The following DCDC2C variants were observed in gnomAD, a reference collection of about 807,000 sequenced individuals.
DCDC2C encodes doublecortin domain-containing protein 2C.
Under a neutral mutation model 45.0 loss-of-function variants are expected in DCDC2C, and 44 were observed. The observed-to-expected ratio is 0.98, with a 90% confidence interval of 0.77 to 1.26. The LOEUF (loss-of-function observed/expected upper bound fraction) is 1.26, where lower values mean the gene tolerates loss of function less well. DCDC2C is among the 50% of genes most tolerant of loss of function. DCDC2C has a pLI of 0.00. For missense variants in DCDC2C, 447 were observed against 468.9 expected (o/e 0.95, Z 0.43); for synonymous variants, 187 against 178.8 (o/e 1.05, Z -0.37).
intron 6 of DCDC2C, 56 bp from the exon 7 acceptor site, chr2:3,767,698 G>A (rs756245838): frequency 2.0e-6 from 3 of 1,537,798 alleles, no homozygotes; most frequent in Non-Finnish European, 1.8e-6. Context: ...AACCTGATCG[G>A]ACTCCTTGTA....
chr2:3,745,022 G>A (rs910874481), intron 4 of DCDC2C, among the ~76,000 whole-genome samples: 1 of 152,170 alleles, frequency 6.6e-6, no homozygotes, highest in Non-Finnish European at 1.5e-5. Flanking sequence ...GACTTGCTCT[G>A]TTGCCTGGGC....
chr2:3,756,755 A>G (rs963614820), intron 6 of DCDC2C, among the ~76,000 whole-genome samples: 2 of 152,162 alleles, frequency 1.3e-5, no homozygotes, highest in African/African-American at 4.8e-5. Context: ...TTTATTGGAG[A>G]TTTCTGCATG....
chr2:3,745,648 C>T (rs115730323), intron 4 of DCDC2C, among the ~76,000 whole-genome samples: 2,641 of 152,278 alleles, frequency 0.017, 75 homozygotes, highest in African/African-American at 0.059. Flanking sequence ...CTGTATTTAT[C>T]GTTCCTTAGA....
chr2:3,796,857 T>G (rs1212123295), intron 10 of DCDC2C, among the ~76,000 whole-genome samples: 1 of 151,968 alleles, frequency 6.6e-6, no homozygotes, highest in Non-Finnish European at 1.5e-5. Context: ...CTGCCCGGCT[T>G]TGGTATCAGG....
chr2:3,755,500 CGT>C (rs1387708741), intron 6 of DCDC2C, among the ~76,000 whole-genome samples: 16 of 146,744 alleles, frequency 1.1e-4, no homozygotes, highest in African/African-American at 3.9e-4. Context: ...CAGGAGTACA[CGT>C]GTGTATGAAT....
At chr2:3,765,699 T>C (rs1352102934) in intron 6 of DCDC2C, among the ~76,000 whole-genome samples, 1 of 152,198 alleles carries the variant, frequency 6.6e-6, no homozygotes, top group Non-Finnish European at 1.5e-5. Context: ...TGGGAATTCA[T>C]TAATGGAGAA....
At chr2:3,769,097 T>G (rs763918407) in intron 7 of DCDC2C, 3 of 510,848 alleles carry the variant, frequency 5.9e-6, no homozygotes, top group Non-Finnish European at 1.1e-5. Context: ...GGGGCTAAAA[T>G]CGAGGCCACC....
At chr2:3,808,264 T>C (rs1030114157) in intron 10 of DCDC2C, among the ~76,000 whole-genome samples, 4 of 152,386 alleles carry the variant, frequency 2.6e-5, no homozygotes, top group Admixed American at 2.6e-4. Context: ...GATTTTACTT[T>C]GCATTTCCTT....
At chr2:3,793,355 C>T (rs781261371) in intron 10 of DCDC2C, among the ~76,000 whole-genome samples, 7 of 152,206 alleles carry the variant, frequency 4.6e-5, no homozygotes, top group Non-Finnish European at 8.8e-5. Context: ...CCTTCAGTGC[C>T]GCCTTCTGCA....
At chr2:3,801,755 C>T (rs1191264629) in intron 10 of DCDC2C, among the ~76,000 whole-genome samples, 1 of 152,232 alleles carries the variant, frequency 6.6e-6, no homozygotes, top group African/African-American at 2.4e-5. Context: ...GCTGAGATGC[C>T]TGCCTTTCCC....
rs573532709 is a variant in DCDC2C at position 3,793,774 on chromosome 2, C to T, written c.1065+8674C>T. Among the ~76,000 whole-genome samples the T allele has an allele frequency of 7.2e-5, 11 of 152,312 alleles. 1 individual carries two copies. In the South Asian group the frequency reaches 1.7e-3, roughly 23 times the overall value. On this transcript the variant is annotated intron_variant, in intron 10 of 10. Coordinates refer to ENST00000399143, the MANE Select transcript of DCDC2C (RefSeq NM_001287444.2). ...CAGCAAGGTGTAGACCAGGTCACTG[C>T]GTCTAGGCTGCTGTGCTCCTCAGAG...
chr2:3,730,036 T>G (rs539011513), intron 3 of DCDC2C, among the ~76,000 whole-genome samples: 3 of 152,202 alleles, frequency 2.0e-5, no homozygotes, highest in East Asian at 1.9e-4. Context: ...AGGAGAAGGG[T>G]CCAGCCGTTG....
intron 7 of DCDC2C, 157 bp from the exon 8 acceptor site, chr2:3,769,154 C>T (rs1053266741): frequency 9.3e-5 from 58 of 620,330 alleles, no homozygotes; most frequent in South Asian, 2.2e-4. Context: ...GAGAGGGAAA[C>T]GGGGTGAGGC....
At chr2:3,813,067 A>T (rs28842330) in intron 10 of DCDC2C, among the ~76,000 whole-genome samples, 4,105 of 28,978 alleles carry the variant, frequency 0.14, 194 homozygotes, top group Middle Eastern at 0.24. Flanking sequence ...ATATATATAT[A>T]TTTTTTTTTT....
chr2:3,722,211 G>A (rs114378375), intron 2 of DCDC2C, among the ~76,000 whole-genome samples: 5,691 of 152,310 alleles, frequency 0.037, 353 homozygotes, highest in African/African-American at 0.13. Flanking sequence ...CCAGTACTGG[G>A]ATCCTGGATG....
intron 2 of DCDC2C, among the ~76,000 whole-genome samples, chr2:3,719,680 C>T (rs144091665): frequency 1.3e-5 from 2 of 152,316 alleles, no homozygotes; most frequent in East Asian, 3.9e-4. Context: ...TCCCCGTGTT[C>T]TAAAGTGTCA....
intron 6 of DCDC2C, among the ~76,000 whole-genome samples, chr2:3,767,232 G>A (rs534370111): frequency 3.9e-5 from 6 of 152,328 alleles, no homozygotes; most frequent in East Asian, 1.9e-4. Context: ...GTGCTTTGTT[G>A]TTATTGTTTA....
chr2:3,774,430 G>A (rs1449086544), intron 8 of DCDC2C, among the ~76,000 whole-genome samples: 1 of 152,216 alleles, frequency 6.6e-6, no homozygotes, highest in African/African-American at 2.4e-5. Context: ...GGGAGTGGCT[G>A]GGCACCCCAT....
At chr2:3,846,729 C>A (rs1218517140) in intron 10 of DCDC2C, among the ~76,000 whole-genome samples, 3 of 152,042 alleles carry the variant, frequency 2.0e-5, no homozygotes, top group Non-Finnish European at 4.4e-5. Flanking sequence ...TTATTCAGCA[C>A]CACGTTTGAA....
Sources: allele counts gnomAD v4.1 joint callset (sites outside exome capture counted in the v4.1 genomes callset), GRCh38; gene constraint gnomAD v4.1.1; transcripts MANE v1.5; gene names NCBI Gene and HGNC (gene_info 2026-07-23, HGNC 2026-07-21).